NUBP1: variants seen among roughly 807,000 people sequenced by gnomAD.
NUBP1 encodes cytosolic Fe-S cluster assembly factor NUBP1.
In NUBP1, 46 loss-of-function variants were observed where a neutral mutation model predicts 41.8. The observed-to-expected ratio is 1.10, with a 90% confidence interval of 0.87 to 1.41. The LOEUF (loss-of-function observed/expected upper bound fraction) is 1.41, where lower values mean the gene tolerates loss of function less well. Among genes scored for constraint, NUBP1 ranks in the 40% most tolerant of loss-of-function variants. NUBP1 has a pLI of 0.00. For missense variants in NUBP1, 494 were observed against 414.0 expected (o/e 1.19, Z -1.68); for synonymous variants, 189 against 154.6 (o/e 1.22, Z -1.65).
In NUBP1 at chr16:10,755,731, G is replaced by A. The variant is rs376464362; in HGVS notation, c.338G>A (p.Ser113Asn). Residue 113 changes from serine to asparagine, a missense_variant, in exon 5 of 11, where the codon AGT becomes AAT. Coordinates refer to ENST00000283027, the MANE Select transcript of NUBP1 (RefSeq NM_002484.4). Reference sequence around the variant, plus strand: ...CTCATGTTCACACAGGTTCACCAGAGTGGCTCAGGCTGGTCTCCAGTGGTG... The same window carrying A: ...CTCATGTTCACACAGGTTCACCAGAATGGCTCAGGCTGGTCTCCAGTGGTG... ...MGLEGEQVHQ[S>N]GSGWSPVYVE... 1.7e-5 allele frequency: 28 copies of A among 1,614,198 alleles called. No individual in the cohort carries two copies. In the Admixed American group the frequency reaches 3.8e-4, roughly 22 times the overall value.
At chr16:10,761,064 AC>A in intron 7 of NUBP1, 1 of 283,980 alleles carries the variant, frequency 3.5e-6, no homozygotes, top group Non-Finnish European at 6.8e-6. Context: ...ACTGTCAAAC[AC>A]TTACAAAACC....
At chr16:10,750,337 C>T (rs566242784) in intron 3 of NUBP1, among the ~76,000 whole-genome samples, 6 of 152,306 alleles carry the variant, frequency 3.9e-5, no homozygotes, top group Non-Finnish European at 8.8e-5. Flanking sequence ...CTCCACCTCC[C>T]GGGCTCAAGC....
chr16:10,762,254 G>T (rs2257150), intron 9 of NUBP1: 14,273 of 169,144 alleles, frequency 0.084, 737 homozygotes, highest in South Asian at 0.18. Flanking sequence ...CCTGTGCCCG[G>T]AGAAGCCAGC....
Position 10,768,277 on chromosome 16 carries a change from G to T in NUBP1, c.904+245G>T. On this transcript the variant is annotated intron_variant, in intron 10 of 10. Coordinates refer to ENST00000283027, the MANE Select transcript of NUBP1 (RefSeq NM_002484.4). The surrounding 1 kb of genome is among the most constrained non-coding windows in gnomAD (Gnocchi z 4.3). ...CTTAGGAAATACATCCCAATAAAGGGATAAAGTAATTCATTTTTAAAAGTA... is the reference window on the plus strand; with the variant it reads ...CTTAGGAAATACATCCCAATAAAGGTATAAAGTAATTCATTTTTAAAAGTA... 2.8e-5 allele frequency: 8 copies of T among 282,226 alleles called. No homozygotes were observed. The highest frequency in any genetic ancestry group is 6.3e-5 in the East Asian group (1 of 15,836). 17.5% of individuals were successfully genotyped at this position (282,226 alleles called of 1,614,324 possible).
intron 3 of NUBP1, 133 bp from the exon 4 acceptor site, chr16:10,752,477 A>T: frequency 1.5e-6 from 1 of 683,948 alleles, no homozygotes; most frequent in East Asian, 2.6e-5. Flanking sequence ...GGAGAATCTG[A>T]TGGCTCCAAG....
intron 3 of NUBP1, among the ~76,000 whole-genome samples, chr16:10,752,134 C>A (rs9673828): frequency 0.27 from 41,142 of 152,146 alleles, 6,640 homozygotes; most frequent in East Asian, 0.49. Flanking sequence ...TCTGAGACTC[C>A]TGAACAAGAT....
chr16:10,764,417 G>C (rs888449968), intron 9 of NUBP1, among the ~76,000 whole-genome samples: 2 of 150,498 alleles, frequency 1.3e-5, no homozygotes, highest in African/African-American at 4.9e-5. Flanking sequence ...TTGTCTATTG[G>C]AGAATCTCAG....
At chr16:10,755,634 T>G in intron 4 of NUBP1, 87 bp from the exon 5 acceptor site, 1 of 1,351,586 alleles carries the variant, frequency 7.4e-7, no homozygotes. Context: ...AAAACCATCG[T>G]CTTACTTTGT....
rs1316078720 is a variant in NUBP1 at position 10,759,299 on chromosome 16, G to A, written c.606+1272G>A. ...CAGCGGCCATGGGAAGGGTGTCCGG[G>A]TCAGAAAATGGTGCAAGATTCATGT... On this transcript the variant is annotated intron_variant, in intron 7 of 10. Transcript: ENST00000283027. The surrounding 1 kb of genome is among the most constrained non-coding windows in gnomAD (Gnocchi z 4.7). Among the ~76,000 whole-genome samples, 1 of 152,168 alleles carries A rather than the reference G, an allele frequency of 6.6e-6. No individual in the cohort carries two copies. Among genetic ancestry groups the A allele is most frequent in the Non-Finnish European group, 1.5e-5 (1 of 68,038 alleles).
At chr16:10,744,310 G>C (rs1180681025) in intron 2 of NUBP1, among the ~76,000 whole-genome samples, 2 of 152,230 alleles carry the variant, frequency 1.3e-5, no homozygotes, top group South Asian at 4.1e-4. Context: ...TGGCGCGGAT[G>C]GAGGGTGGAG....
chr16:10,761,523 T>C, intron 8 of NUBP1, 49 bp downstream of exon 8: 1 of 1,479,214 alleles, frequency 6.8e-7, no homozygotes, highest in Non-Finnish European at 9.4e-7. Context: ...CTCTCATGGA[T>C]GAGGAAACGA....
intron 4 of NUBP1, among the ~76,000 whole-genome samples, chr16:10,752,898 C>A (rs1392441915): frequency 6.6e-6 from 1 of 152,160 alleles, no homozygotes; most frequent in African/African-American, 2.4e-5. Context: ...TGGGTTCAAG[C>A]GATTCTTGTG....
chr16:10,747,636 A>G (rs374404449), intron 3 of NUBP1, among the ~76,000 whole-genome samples: 109 of 152,310 alleles, frequency 7.2e-4, no homozygotes, highest in African/African-American at 2.5e-3. Flanking sequence ...CTGTCCAAGA[A>G]GAAAAAAAAA....
At position 10,761,348 on chromosome 16, in the gene NUBP1, C is replaced by T. The variant is rs377298156; in HGVS notation, c.607-16C>T. Reference sequence around the variant, plus strand: ...GCACTTTGATGCTGGAATCACTGGTCTTTTCACCTTCGTAGGAGGTGTCAC... The same window carrying T: ...GCACTTTGATGCTGGAATCACTGGTTTTTTCACCTTCGTAGGAGGTGTCAC... On this transcript the variant is annotated splice_polypyrimidine_tract_variant and intron_variant, in intron 7 of 10. Transcript: ENST00000283027. The T allele has an allele frequency of 1.9e-5, 31 of 1,611,878 alleles. No homozygotes were observed. Among genetic ancestry groups the T allele is most frequent in the Non-Finnish European group, 2.5e-5 (30 of 1,178,304 alleles).
chr16:10,769,340 C>A lies in NUBP1; in HGVS notation c.*235C>A, dbSNP rs907872136. The A allele has an allele frequency of 2.2e-6, 1 of 454,208 alleles. No homozygotes were observed. Among genetic ancestry groups the A allele is most frequent in the Admixed American group, 4.0e-5 (1 of 25,112 alleles). The allele number at this position is 454,208 out of a possible 1,614,324, so 28.1% of individuals were successfully genotyped here. ...AATGTGCCGTTTTAAGAATAAAACC[C>A]CCTCAAATCTCTCCCCCGAGGCCTG... On this transcript the variant is annotated 3_prime_UTR_variant, in exon 11 of 11. Coordinates refer to ENST00000283027, the MANE Select transcript of NUBP1 (RefSeq NM_002484.4).
In NUBP1 at chr16:10,759,909, G is replaced by A. The variant is rs74007539; in HGVS notation, c.607-1455G>A. Among the ~76,000 whole-genome samples, 4,320 of 152,324 alleles carry A rather than the reference G, an allele frequency of 0.028. 220 individuals are homozygous for A. Among genetic ancestry groups the A allele is most frequent in the African/African-American group, 0.098 (4,081 of 41,562 alleles). Reference sequence around the variant, plus strand: ...TCAGGAAAAGAACAGGCCCAAAGCTGCGAGCCTTTCGGGCTCACGTGAGTG... The same window carrying A: ...TCAGGAAAAGAACAGGCCCAAAGCTACGAGCCTTTCGGGCTCACGTGAGTG... On this transcript the variant is annotated intron_variant, in intron 7 of 10. Transcript: ENST00000283027. The surrounding 1 kb of genome is among the most constrained non-coding windows in gnomAD (Gnocchi z 4.7).
Position 10,743,970 on chromosome 16 carries a change from G to T in NUBP1, c.29G>T (p.Gly10Val). Residue 10 changes from glycine to valine, a missense_variant, in exon 2 of 11, where the codon GGG becomes GTG. By Grantham distance (109) the Gly-to-Val change is moderately radical. Coordinates refer to ENST00000283027, the MANE Select transcript of NUBP1 (RefSeq NM_002484.4). ...TCTTGTCTCTGCGCAGACTGTCCAG[G>T]GGCCGACAGCGCCCAGGCGGGCAGA... Reference protein sequence around the residue: MEEVPHDCPGADSAQAGRGA... With the variant: MEEVPHDCPVADSAQAGRGA... 1 of 1,584,904 alleles carries T rather than the reference G, an allele frequency of 6.3e-7. No homozygotes were observed.
chr16:10,754,748 T>C (rs1409460722), intron 4 of NUBP1, among the ~76,000 whole-genome samples: 2 of 151,900 alleles, frequency 1.3e-5, no homozygotes, highest in East Asian at 3.9e-4. Flanking sequence ...CAGGCAAATG[T>C]TCTAAAATTG....
intron 5 of NUBP1, 44 bp from the exon 6 acceptor site, chr16:10,756,646 T>C: frequency 6.9e-7 from 1 of 1,448,786 alleles, no homozygotes; most frequent in Non-Finnish European, 9.2e-7. Context: ...CACTGTGTGG[T>C]TTTGAGTAAA....
Sources: gnomAD v4.1 joint callset for allele counts (sites outside exome capture counted in the v4.1 genomes callset) on GRCh38, gnomAD v4.1.1 for gene constraint, Gnocchi (gnomAD v3.1) non-coding constraint, MANE v1.5 for transcripts, NCBI Gene and HGNC (gene_info 2026-07-23, HGNC 2026-07-21) for gene names.